ADGRV1: variants seen among roughly 807,000 people sequenced by gnomAD.
ADGRV1 encodes the protein G-protein coupled receptor 98.
A neutral mutation model predicts 596.2 loss-of-function variants in ADGRV1; 359 were observed. The ratio of observed to expected loss-of-function variants is 0.60; its 90% CI spans 0.55 to 0.66. The LOEUF (loss-of-function observed/expected upper bound fraction) is 0.66, where lower values mean the gene tolerates loss of function less well. Among genes scored for constraint, ADGRV1 ranks in the 30% least tolerant of loss-of-function variants. The pLI is 0.00. For missense variants in ADGRV1, 7,274 were observed against 7,575.6 expected (o/e 0.96, Z 1.48); for synonymous variants, 2,681 against 2,679.2 (o/e 1.00, Z -0.02).
intron 1 of ADGRV1, among the ~76,000 whole-genome samples, chr5:90,601,807 G>A (rs914709828): frequency 6.6e-6 from 1 of 152,156 alleles, no homozygotes; most frequent in Non-Finnish European, 1.5e-5. Flanking sequence ...ACAGTTTATA[G>A]CTTTAATGGC....
At chr5:91,144,225 G>C (rs1017761678) in intron 87 of ADGRV1, among the ~76,000 whole-genome samples, 1 of 152,208 alleles carries the variant, frequency 6.6e-6, no homozygotes, top group Non-Finnish European at 1.5e-5. Flanking sequence ...TCTGCAGCCA[G>C]CATCTCCGCA....
intron 59 of ADGRV1, among the ~76,000 whole-genome samples, chr5:90,769,204 G>A (rs1357435135): frequency 6.6e-6 from 1 of 152,056 alleles, no homozygotes; most frequent in African/African-American, 2.4e-5. Context: ...GTACAGCCAC[G>A]TTCAAGAGAA....
chr5:90,641,407 A>G (rs1195580984), intron 11 of ADGRV1, among the ~76,000 whole-genome samples: 1 of 152,166 alleles, frequency 6.6e-6, no homozygotes, highest in Non-Finnish European at 1.5e-5. Context: ...TTTAAAAATA[A>G]ATTTGTTTAA....
At chr5:91,088,752 A>C (rs1340890105) in intron 86 of ADGRV1, among the ~76,000 whole-genome samples, 1 of 152,150 alleles carries the variant, frequency 6.6e-6, no homozygotes, top group Non-Finnish European at 1.5e-5. Flanking sequence ...TTAACCATTA[A>C]CAATTTAAAC....
intron 15 of ADGRV1, 76 bp from the exon 16 acceptor site, chr5:90,645,892 C>A: frequency 8.4e-7 from 1 of 1,185,256 alleles, no homozygotes; most frequent in Non-Finnish European, 1.1e-6. Flanking sequence ...TTTAAAAAAA[C>A]TGAATAATTT....
chr5:90,989,908 C>A (rs538280695), intron 85 of ADGRV1, among the ~76,000 whole-genome samples: 20 of 152,106 alleles, frequency 1.3e-4, no homozygotes, highest in Non-Finnish European at 2.5e-4. Flanking sequence ...CCTCCGCCTC[C>A]CAGGTTCAAG....
At chr5:91,112,040 C>G (rs938358753) in intron 87 of ADGRV1, among the ~76,000 whole-genome samples, 1 of 152,208 alleles carries the variant, frequency 6.6e-6, no homozygotes, top group Non-Finnish European at 1.5e-5. Context: ...TTTTGAGCAA[C>G]AAGCTAACTC....
chr5:91,014,470 A>C (rs1783013999), intron 85 of ADGRV1, among the ~76,000 whole-genome samples: 4 of 151,714 alleles, frequency 2.6e-5, no homozygotes, highest in Non-Finnish European at 5.9e-5. Flanking sequence ...TTCTTTGTAC[A>C]TCTGGTAGAA....
intron 70 of ADGRV1, among the ~76,000 whole-genome samples, chr5:90,796,553 G>T (rs536664621): frequency 3.3e-5 from 5 of 152,154 alleles, no homozygotes; most frequent in Non-Finnish European, 7.3e-5. Flanking sequence ...CATTCTTCAG[G>T]ATATTATCCA....
rs1176772503 is a variant in ADGRV1 at position 90,637,928 on chromosome 5, T to G, written c.2220T>G (p.Thr740=). ...ATGACATACCGGAAATGAATGAAAC[T>G]GTAACACTTTCTCTAGACAGGTAAT... ...KGDDIPEMNE[T]VTLSLDRVNV... The change falls in exon 11 of 90, where the codon ACT becomes ACG. Residue 740 remains threonine (T), a synonymous_variant. Coordinates refer to ENST00000405460, the MANE Select transcript of ADGRV1 (RefSeq NM_032119.4). 1 of 1,612,438 alleles carries G rather than the reference T, an allele frequency of 6.2e-7. No homozygotes were observed. The highest frequency in any genetic ancestry group is 8.5e-7 in the Non-Finnish European group (1 of 1,178,768).
intron 34 of ADGRV1, among the ~76,000 whole-genome samples, chr5:90,702,183 T>C (rs1004822095): frequency 6.6e-6 from 1 of 151,848 alleles, no homozygotes; most frequent in Admixed American, 6.6e-5. Flanking sequence ...AGTTTCACAG[T>C]AGTGTCTATA....
chr5:91,126,073 G>A (rs972606000), intron 87 of ADGRV1, among the ~76,000 whole-genome samples: 2 of 152,066 alleles, frequency 1.3e-5, no homozygotes, highest in African/African-American at 2.4e-5. Flanking sequence ...CACTCATTTG[G>A]CACCTCATCA....
chr5:91,082,323 T>C (rs1276387007), intron 86 of ADGRV1, among the ~76,000 whole-genome samples: 1 of 152,204 alleles, frequency 6.6e-6, no homozygotes, highest in African/African-American at 2.4e-5. Context: ...TTAATTTTCC[T>C]GGCAGATCCT....
chr5:90,843,303 C>T (rs931469276), intron 78 of ADGRV1, among the ~76,000 whole-genome samples: 1 of 151,940 alleles, frequency 6.6e-6, no homozygotes, highest in Non-Finnish European at 1.5e-5. Flanking sequence ...AAAGGGGCAC[C>T]GGTGCAGACA....
At chr5:90,908,570 G>C (rs952274997) in intron 83 of ADGRV1, among the ~76,000 whole-genome samples, 8 of 152,166 alleles carry the variant, frequency 5.3e-5, no homozygotes, top group Middle Eastern at 6.8e-3. Context: ...ATTGTATTTT[G>C]ATACAGACTT....
At position 91,140,723 on chromosome 5, in the gene ADGRV1, G is replaced by C. The variant is rs565556723; in HGVS notation, c.18433-9307G>C. 7.9e-5 allele frequency among the ~76,000 whole-genome samples: 12 copies of C among 152,240 alleles called. No individual in the cohort carries two copies. In the South Asian group the frequency reaches 2.3e-3, roughly 29 times the overall value. ...GGGAAACTATCCAAGCAGGGTTAGT[G>C]GGGTGAGGGAGTTTGGATTCTTGTA... On this transcript the variant is annotated intron_variant, in intron 87 of 89. Transcript: ENST00000405460.
At chr5:90,989,006 T>G (rs1466835223) in intron 85 of ADGRV1, among the ~76,000 whole-genome samples, 2 of 152,106 alleles carry the variant, frequency 1.3e-5, no homozygotes, top group African/African-American at 4.8e-5. Flanking sequence ...TTCCATGGTG[T>G]ATATGTACCA....
chr5:91,061,624 A>G (rs1383946161), intron 85 of ADGRV1, among the ~76,000 whole-genome samples: 1 of 152,230 alleles, frequency 6.6e-6, no homozygotes, highest in Admixed American at 6.5e-5. Flanking sequence ...AGATGAAATA[A>G]TATTGCTGTA....
chr5:90,637,774 A>G lies in ADGRV1; in HGVS notation c.2066A>G (p.Tyr689Cys). 1 of 1,613,582 alleles carries G rather than the reference A, an allele frequency of 6.2e-7. No homozygotes were observed. The highest frequency in any genetic ancestry group is 1.1e-5 in the South Asian group (1 of 91,060). Residue 689 changes from tyrosine (Y) to cysteine (C), a missense_variant, in exon 11 of 90, where the codon TAC becomes TGC. Physicochemically the swap from Tyr to Cys is radical, Grantham distance 194 (BLOSUM62 -2). Coordinates refer to ENST00000405460, the MANE Select transcript of ADGRV1 (RefSeq NM_032119.4). The stretch of plus-strand genomic sequence containing the variant: ...GGAACTGATGGCCAGGCTACTGTCT[A>G]CTGGAGTTTGAAGCCCTCTGGCTTT... ...RDGTDGQATV[Y>C]WSLKPSGFNS...
Sources: allele counts gnomAD v4.1 joint callset (sites outside exome capture counted in the v4.1 genomes callset), GRCh38; gene constraint gnomAD v4.1.1; transcripts MANE v1.5; gene names NCBI Gene and HGNC (gene_info 2026-07-23, HGNC 2026-07-21).